WDR62: variants seen among roughly 807,000 people sequenced by gnomAD.
WDR62 encodes the protein WD repeat-containing protein 62.
In WDR62, 112 loss-of-function variants were observed where a neutral mutation model predicts 160.6. The observed-to-expected ratio is 0.70, with a 90% CI of 0.60 to 0.82. The LOEUF (loss-of-function observed/expected upper bound fraction) is 0.82, where lower values mean the gene tolerates loss of function less well. Ranked by LOEUF, WDR62 falls within the 40% of genes least tolerant of loss-of-function variation. The probability of loss-of-function intolerance (pLI) is 0.00; values close to 1 mark genes in which losing one functional copy is unlikely to be tolerated. For missense variants in WDR62, 1,819 were observed against 1,983.8 expected (o/e 0.92, Z 1.58); for synonymous variants, 792 against 815.1 (o/e 0.97, Z 0.48).
At chr19:36,109,616 C>T (rs1379329031), downstream of WDR62, among the ~76,000 whole-genome samples, 1 of 151,492 alleles carries the variant, frequency 6.6e-6, no homozygotes, top group African/African-American at 2.4e-5. Context: ...CACCTGTAGT[C>T]CCAGCTACTT....
At chr19:36,084,773 G>A (rs745454405) in intron 12 of WDR62, 29 bp downstream of exon 12, 14 of 1,605,474 alleles carry the variant, frequency 8.7e-6, no homozygotes, top group South Asian at 7.7e-5. Context: ...TGGAATGGGG[G>A]TCAGGCAGGG....
Position 36,092,690 on chromosome 19 carries a change from T to C in WDR62, c.2212T>C (p.Cys738Arg). Residue 738 changes from cysteine to arginine, a missense_variant and splice_region_variant, in exon 19 of 32, where the codon TGC becomes CGC. By Grantham distance (180) the Cys-to-Arg change is radical. Around this residue, in one of 3 missense-constraint regions of WDR62, gnomAD observed 934 missense variants for 1,157.2 expected, o/e 0.81. Coordinates refer to ENST00000401500, the MANE Select transcript of WDR62 (RefSeq NM_001083961.2). ...TGTGTCTCTCTTTGACCTCCGCAGCTGCGTGTTCATCTGGCACCTGGGCCC... is the reference window on the plus strand; with the variant it reads ...TGTGTCTCTCTTTGACCTCCGCAGCCGCGTGTTCATCTGGCACCTGGGCCC... ...HHLITVSGDS[C>R]VFIWHLGPEI... is the part of the protein sequence containing the mutation. The C allele has an allele frequency of 6.2e-7, 1 of 1,614,160 alleles. No homozygotes were observed. The highest frequency in any genetic ancestry group is 8.5e-7 in the Non-Finnish European group (1 of 1,179,986).
At position 36,092,807 on chromosome 19, in the gene WDR62, C is replaced by T. The variant is rs751449486; in HGVS notation, c.2329C>T (p.Pro777Ser). The T allele has an allele frequency of 6.2e-7, 1 of 1,613,976 alleles. No individual in the cohort carries two copies. Residue 777 changes from proline (P) to serine (S), a missense_variant, in exon 19 of 32, where the codon CCC becomes TCC. Transcript: ENST00000401500. ...AAATGACAAGAAGCGGAGTGGCCAC[C>T]CCAGGTCCTGGCAGCCCCTGCCTGT... is the stretch of plus-strand genomic sequence containing the variant. ...HTNDKKRSGH[P>S]RQDTYVSTPS...
At chr19:36,099,104 C>A (rs188417688) in intron 21 of WDR62, among the ~76,000 whole-genome samples, 1 of 151,908 alleles carries the variant, frequency 6.6e-6, no homozygotes, top group East Asian at 1.9e-4. Flanking sequence ...CACCTGTAAT[C>A]CCAGCTACTC....
chr19:36,086,127 C>T lies in WDR62; in HGVS notation c.1643-560C>T, dbSNP rs74908184. ...CTCTCATCCCCCATGCTGTGTGCCC[C>T]ACCAACTTGTCTTGAAACATATCTT... On this transcript the variant is annotated intron_variant, in intron 12 of 31. Coordinates refer to ENST00000401500, the MANE Select transcript of WDR62 (RefSeq NM_001083961.2). 8.8e-3 allele frequency among the ~76,000 whole-genome samples: 1,332 copies of T among 152,168 alleles called. 18 individuals carry two copies. Among genetic ancestry groups the T allele is most frequent in the African/African-American group, 0.03 (1,238 of 41,532 alleles).
At chr19:36,085,963 G>A (rs1350521441) in intron 12 of WDR62, among the ~76,000 whole-genome samples, 4 of 152,080 alleles carry the variant, frequency 2.6e-5, no homozygotes, top group African/African-American at 7.2e-5. Flanking sequence ...GATTACAAGC[G>A]TGAACCACCA....
rs1194529290 is a variant in WDR62, at chr19:36,101,016, C to T, written c.2867+141C>T. On this transcript the variant is annotated intron_variant, in intron 23 of 31. Transcript: ENST00000401500. ...AGGCCTGGATGGGGCAGGAGCCCAG[C>T]CTTAGTTCCCTGGTTCCAGGTGGGG... The T allele has an allele frequency of 8.5e-6, 12 of 1,411,068 alleles. No individual in the cohort carries two copies. The Middle Eastern group carries it at 6.1e-4, about 72-fold the overall frequency. The allele number at this position is 1,411,068 out of a possible 1,614,324, so 87.4% of individuals were successfully genotyped here. A position where few individuals can be genotyped will look rare whatever the true frequency, so the allele number is the denominator to read the frequency against.
At chr19:36,105,162 G>A (rs1474962081), downstream of WDR62, 5 of 1,178,100 alleles carry the variant, frequency 4.2e-6, no homozygotes, top group Admixed American at 9.0e-5. Flanking sequence ...AAGTGGAAGT[G>A]GGGAGGGAGG....
At chr19:36,058,906 C>T (rs1443648295) in intron 2 of WDR62, 35 bp downstream of exon 2, 1 of 1,565,544 alleles carries the variant, frequency 6.4e-7, no homozygotes, top group Non-Finnish European at 8.8e-7. Context: ...CTAATCATTG[C>T]TAGGGAATTT....
chr19:36,096,890 A>G lies in WDR62; in HGVS notation c.2468-137A>G, dbSNP rs1374956400. 6.3e-6 allele frequency: 5 copies of G among 792,018 alleles called. No individual in the cohort carries two copies. In the Admixed American group the frequency reaches 1.0e-4, roughly 16 times the overall value. The allele number at this position is 792,018 out of a possible 1,614,324, so 49.1% of individuals were successfully genotyped here. A position where few individuals can be genotyped will look rare whatever the true frequency, so the allele number is the denominator to read the frequency against. On this transcript the variant is annotated intron_variant, in intron 20 of 31. Transcript: ENST00000401500. ...ATCGCATCCCACGGTTTAAGTTTGC[A>G]TTTCCCTAACCCCCGGTGCTGTTGA...
chr19:36,094,379 C>A (rs1007476182), intron 20 of WDR62, among the ~76,000 whole-genome samples: 3 of 151,290 alleles, frequency 2.0e-5, no homozygotes, highest in Non-Finnish European at 4.4e-5. Context: ...TATGGTGAAA[C>A]CCCGTCTCAA....
Position 36,059,978 on chromosome 19 carries a change from G to A in WDR62, c.280G>A (p.Val94Met). Residue 94 changes from valine (V) to methionine (M), a missense_variant, in exon 3 of 32, where the codon GTG becomes ATG. By Grantham distance (21) the Val-to-Met change is conservative (BLOSUM62 1). Coordinates refer to ENST00000401500, the MANE Select transcript of WDR62 (RefSeq NM_001083961.2). Reference sequence around the variant, plus strand: ...CCTCTTTCTTCCCAGCTGTGTGGTGGTGATTTTGGACCCCAAGGAGAACAA... The same window carrying A: ...CCTCTTTCTTCCCAGCTGTGTGGTGATGATTTTGGACCCCAAGGAGAACAA... ...HVAYLAGCVV[V>M]ILDPKENKQQ... is the part of the protein sequence containing the mutation. The A allele has an allele frequency of 6.2e-7, 1 of 1,614,172 alleles. No homozygotes were observed. Among genetic ancestry groups the A allele is most frequent in the Non-Finnish European group, 8.5e-7 (1 of 1,180,038 alleles).
At chr19:36,058,257 C>T (rs1039255470) in intron 1 of WDR62, among the ~76,000 whole-genome samples, 4 of 152,182 alleles carry the variant, frequency 2.6e-5, no homozygotes, top group Non-Finnish European at 5.9e-5. Flanking sequence ...GAGGCTGAGG[C>T]AGGAGAATTG....
intron 8 of WDR62, 93 bp from the exon 9 acceptor site, chr19:36,073,249 G>A (rs1971393754): frequency 1.1e-5 from 13 of 1,168,662 alleles, no homozygotes; most frequent in Non-Finnish European, 1.7e-5. Flanking sequence ...ATGAGGGATG[G>A]CATTGCCGGG....
At chr19:36,084,870 A>G (rs973778028) in intron 12 of WDR62, 126 bp downstream of exon 12, 3 of 872,396 alleles carry the variant, frequency 3.4e-6, no homozygotes, top group African/African-American at 3.3e-5. Context: ...GTGTTCGGTA[A>G]GGGCCCCTGT....
intron 9 of WDR62, among the ~76,000 whole-genome samples, chr19:36,074,617 T>C (rs764346133): frequency 1.6e-4 from 25 of 152,106 alleles, no homozygotes; most frequent in Admixed American, 2.6e-4. Flanking sequence ...GGGTTTTCAG[T>C]GGCCAGATTC....
chr19:36,081,482 T>A lies in WDR62; in HGVS notation c.1283T>A (p.Phe428Tyr). ...DQRACLPSGS[F>Y]LTCSSDNTIR... ...AGAGCTTGTTTGCCATCAGGATCCT[T>A]TCTGACTTGTTCTTCAGACAACACC... Residue 428 changes from phenylalanine to tyrosine, a missense_variant, in exon 10 of 32, where the codon TTT becomes TAT. Physicochemically the swap from Phe to Tyr is conservative, Grantham distance 22. Around this residue, in one of 3 missense-constraint regions of WDR62, gnomAD observed 934 missense variants for 1,157.2 expected, o/e 0.81. Transcript: ENST00000401500. 1 of 1,614,206 alleles carries A rather than the reference T, an allele frequency of 6.2e-7. No homozygotes were observed. The highest frequency in any genetic ancestry group is 8.5e-7 in the Non-Finnish European group (1 of 1,180,036).
chr19:36,090,882 G>C (rs1972558717), intron 16 of WDR62, among the ~76,000 whole-genome samples: 1 of 152,220 alleles, frequency 6.6e-6, no homozygotes, highest in Non-Finnish European at 1.5e-5. Flanking sequence ...ACAGTTATGG[G>C]TTCAGGTTCT....
Position 36,103,556 on chromosome 19 carries a change from C to T in WDR62, c.3728C>T (p.Ala1243Val). ...GGTGACAGTGAGGGCCCTATCGTGGCCACACTGGCCCAGCCCCTCCGTAGG... is the reference window on the plus strand; with the variant it reads ...GGTGACAGTGAGGGCCCTATCGTGGTCACACTGGCCCAGCCCCTCCGTAGG... ...SLGDSEGPIV[A>V]TLAQPLRRPS... The change falls in exon 30 of 32, where the codon GCC becomes GTC. Residue 1243 changes from alanine to valine, a missense_variant. Coordinates refer to ENST00000401500, the MANE Select transcript of WDR62 (RefSeq NM_001083961.2). 6 of 1,613,984 alleles carry T rather than the reference C, an allele frequency of 3.7e-6. No individual in the cohort carries two copies. Among genetic ancestry groups the T allele is most frequent in the Non-Finnish European group, 5.1e-6 (6 of 1,180,026 alleles).
Sources: allele counts gnomAD v4.1 joint callset (sites outside exome capture counted in the v4.1 genomes callset), GRCh38; gene constraint gnomAD v4.1.1; regional missense constraint gnomAD v4.1.1; transcripts MANE v1.5; gene names NCBI Gene and HGNC (gene_info 2026-07-23, HGNC 2026-07-21).